Variants in ACIN1 observed in about 807,000 individuals in gnomAD.
ACIN1 encodes apoptotic chromatin condensation inducer 1.
ACIN1 carries 16 observed loss-of-function variants against 146.6 expected under a neutral mutation model. That is an observed-to-expected ratio of 0.11 (90% CI 0.07 to 0.17). ACIN1 has a LOEUF of 0.17. Ranked by LOEUF, ACIN1 falls within the 10% of genes least tolerant of loss-of-function variation. ACIN1 has a pLI of 1.00. For missense variants in ACIN1, 1,357 were observed against 1,609.3 expected (o/e 0.84, Z 2.68); for synonymous variants, 569 against 582.7 (o/e 0.98, Z 0.34).
At chr14:23,066,060 G>C in intron 9 of ACIN1, 52 bp from the exon 10 acceptor site, 1 of 1,514,044 alleles carries the variant, frequency 6.6e-7, no homozygotes, top group Non-Finnish European at 9.2e-7. Context: ...ACACCCCACA[G>C]AGAGGGGGGA....
rs1466072699 is a variant in ACIN1, at chr14:23,090,107, A to G, written c.317-6T>C. On this transcript the variant is annotated splice_region_variant and splice_polypyrimidine_tract_variant and intron_variant, in intron 3 of 18. Transcript: ENST00000605057. ...CTCCGACTCAGCTGAAGCTTCTGCA[A>G]AGTACAGATCGGGTCGGGGCAGGGA... 1.2e-6 allele frequency: 2 copies of G among 1,613,666 alleles called. No homozygotes were observed. The highest frequency in any genetic ancestry group is 2.7e-5 in the African/African-American group (2 of 74,918).
At chr14:23,089,786 G>A (rs2048180843) in intron 4 of ACIN1, among the ~76,000 whole-genome samples, 196 bp downstream of exon 4, 1 of 152,206 alleles carries the variant, frequency 6.6e-6, no homozygotes, top group East Asian at 1.9e-4. Flanking sequence ...AAAACACTGA[G>A]AAGGTAACAC....
At chr14:23,072,253 G>C (rs1185698218) in intron 8 of ACIN1, among the ~76,000 whole-genome samples, 1 of 152,182 alleles carries the variant, frequency 6.6e-6, no homozygotes, top group African/African-American at 2.4e-5. Context: ...TCTCTGAAGA[G>C]ATGACAGACA....
rs1051301044 is a variant in ACIN1 at position 23,078,981 on chromosome 14, G to C, written c.1846C>G (p.Pro616Ala). ...GTTGCAACCTCCTGACCAGAAGAGG[G>C]ATCTTTGGTTTCAGTATAGCTGGTG... is the stretch of plus-strand genomic sequence containing the variant. ...SSTSYTETKD[P>A]SSGQEVATPP... The change falls in exon 7 of 19, where the codon CCC (proline) becomes GCC (alanine). Residue 616 changes from proline to alanine, a missense_variant. Around this residue, in one of 4 missense-constraint regions of ACIN1, gnomAD observed 771 missense variants for 746.6 expected, o/e 1.03. Transcript: ENST00000605057. 2.5e-6 allele frequency: 4 copies of C among 1,614,104 alleles called. No homozygotes were observed. The highest frequency in any genetic ancestry group is 2.7e-5 in the African/African-American group (2 of 74,940).
chr14:23,070,507 C>G (rs1412531234), intron 8 of ACIN1, among the ~76,000 whole-genome samples: 2 of 152,098 alleles, frequency 1.3e-5, no homozygotes, highest in Non-Finnish European at 2.9e-5. Flanking sequence ...AACCCACTCT[C>G]CCACTCTTAA....
chr14:23,094,510 C>CTCGATTAGATG (rs2048317148), intron 1 of ACIN1: 2 of 985,240 alleles, frequency 2.0e-6, no homozygotes, highest in Admixed American at 1.2e-4. Context: ...TCTAATCGAG[C>CTCGATTAGATG]AGACATTTTA....
chr14:23,059,306 C>G lies in ACIN1; in HGVS notation c.3694G>C (p.Glu1232Gln). 6.3e-7 allele frequency: 1 copy of G among 1,599,436 alleles called. No homozygotes were observed. The highest frequency in any genetic ancestry group is 8.6e-7 in the Non-Finnish European group (1 of 1,166,666). The change falls in exon 19 of 19, where the codon GAG becomes CAG. Residue 1232 changes from glutamate (E) to glutamine (Q), a missense_variant. This residue lies in a region of ACIN1 where 509 missense variants were observed against 719.6 expected (regional missense o/e 0.71). Transcript: ENST00000605057. ...RREHSRERDR[E>Q]RERERERDRG... ...TCCCGCTCCCTTTCTCTCTCTCTCT[C>G]CCTGTCCCTCTCCCGACTGTGCTCC...
intron 1 of ACIN1, among the ~76,000 whole-genome samples, chr14:23,094,200 T>C (rs1467681536): frequency 6.6e-6 from 1 of 152,094 alleles, no homozygotes; most frequent in African/African-American, 2.4e-5. Context: ...AACCCAGACC[T>C]AATCTGCACT....
chr14:23,069,272 GA>G (rs2047555019), intron 9 of ACIN1: 1 of 1,252,764 alleles, frequency 8.0e-7, no homozygotes, highest in South Asian at 3.2e-5. Context: ...ACAAGGAAAG[GA>G]AAATGAATGA....
chr14:23,069,346 C>G, intron 9 of ACIN1, 130 bp downstream of exon 9: 1 of 1,459,484 alleles, frequency 6.9e-7, no homozygotes, highest in Non-Finnish European at 9.0e-7. Flanking sequence ...TGGCCCTATT[C>G]TGATCCAAGT....
chr14:23,076,599 C>T (rs1224671241), intron 8 of ACIN1: 5 of 152,164 alleles, frequency 3.3e-5, no homozygotes. Context: ...TCTCATAAAC[C>T]CACAGAATTT....
At chr14:23,074,377 C>G (rs980405023) in intron 8 of ACIN1, among the ~76,000 whole-genome samples, 1 of 151,712 alleles carries the variant, frequency 6.6e-6, no homozygotes, top group African/African-American at 2.4e-5. Context: ...ACCAGCCTGG[C>G]CAACATGGTG....
chr14:23,086,353 CT>C (rs1186905932), intron 4 of ACIN1, among the ~76,000 whole-genome samples: 5 of 152,124 alleles, frequency 3.3e-5, no homozygotes, highest in African/African-American at 1.2e-4. Flanking sequence ...AGTTTGAGCT[CT>C]TTTTGAAAAA....
intron 8 of ACIN1, among the ~76,000 whole-genome samples, chr14:23,074,862 A>G (rs2047758172): frequency 6.6e-6 from 1 of 152,236 alleles, no homozygotes; most frequent in Non-Finnish European, 1.5e-5. Context: ...ATAGGCATAT[A>G]TGCTGAAATT....
chr14:23,081,057 C>CT (rs57582315), intron 5 of ACIN1, among the ~76,000 whole-genome samples: 3,519 of 143,898 alleles, frequency 0.024, 116 homozygotes, highest in African/African-American at 0.081. Flanking sequence ...CAAGCACCCC[C>CT]TTTTTTTTTT....
chr14:23,075,669 A>G (rs2047781898), intron 8 of ACIN1, among the ~76,000 whole-genome samples: 1 of 151,608 alleles, frequency 6.6e-6, no homozygotes, highest in African/African-American at 2.4e-5. Context: ...TTGTTGAGAC[A>G]GACAGAAAAA....
intron 10 of ACIN1, among the ~76,000 whole-genome samples, chr14:23,065,056 T>G (rs931918732): frequency 6.6e-6 from 1 of 152,136 alleles, no homozygotes; most frequent in Non-Finnish European, 1.5e-5. Flanking sequence ...GAAGAAAAAC[T>G]GAGAAGGACA....
At chr14:23,090,781 C>T in intron 2 of ACIN1, 148 bp from the exon 3 acceptor site, 1 of 577,714 alleles carries the variant, frequency 1.7e-6, no homozygotes, top group East Asian at 2.9e-5. Flanking sequence ...TAAGTTAGTT[C>T]TATATTGAAG....
In ACIN1 at chr14:23,064,145, G is replaced by A. The variant is rs148549658; in HGVS notation, c.2555C>T (p.Thr852Ile). 1.8e-5 allele frequency: 29 copies of A among 1,614,112 alleles called. No individual in the cohort carries two copies. In the African/African-American group the frequency reaches 3.9e-4, roughly 22 times the overall value. Residue 852 changes from threonine (T) to isoleucine (I), a missense_variant, in exon 12 of 19, where the codon ACC (threonine) becomes ATC (isoleucine). By Grantham distance (89) the Thr-to-Ile change is moderately conservative. This residue lies in a region of ACIN1 where 509 missense variants were observed against 719.6 expected (regional missense o/e 0.71). Transcript: ENST00000605057. ...DETERNGDDGTHDKGLKICRT... is the reference protein window; with the variant it reads ...DETERNGDDGIHDKGLKICRT... ...GCATATTTTCAGCCCCTTGTCATGG[G>A]TCCCATCATCGCCATTACGCTCTGT...
Sources: gnomAD v4.1 joint callset for allele counts (sites outside exome capture counted in the v4.1 genomes callset) on GRCh38, gnomAD v4.1.1 for gene constraint, gnomAD v4.1.1 regional missense constraint, MANE v1.5 for transcripts, NCBI Gene and HGNC (gene_info 2026-07-23, HGNC 2026-07-21) for gene names.